Variants in ZNF385C observed in about 807,000 individuals in gnomAD.
ZNF385C encodes the protein CTD-2132N18.2.
A neutral mutation model predicts 35.4 loss-of-function variants in ZNF385C; 28 were observed. That is an observed-to-expected ratio of 0.79 (90% CI 0.59 to 1.08). ZNF385C has a LOEUF of 1.08. Ranked by LOEUF, ZNF385C falls within the 50% of genes least tolerant of loss-of-function variation. The pLI is 0.00. For missense variants in ZNF385C, 605 were observed against 595.6 expected (o/e 1.02, Z -0.16); for synonymous variants, 248 against 248.2 (o/e 1.00, Z 0.01).
At chr17:42,049,086 T>C (rs1386631506) in intron 2 of ZNF385C, among the ~76,000 whole-genome samples, 4 of 152,160 alleles carry the variant, frequency 2.6e-5, no homozygotes, top group Non-Finnish European at 4.4e-5. Context: ...CCTTCCTTCC[T>C]AGTAACACCA....
chr17:42,054,823 C>T (rs1598193772), intron 2 of ZNF385C, among the ~76,000 whole-genome samples: 2 of 152,096 alleles, frequency 1.3e-5, no homozygotes, highest in East Asian at 3.9e-4. Flanking sequence ...CTCAAATGAT[C>T]CACCTGCCTT....
In ZNF385C at chr17:42,053,830, C is replaced by T. The variant is rs1188579231; in HGVS notation, c.250+8977G>A. On this transcript the variant is annotated intron_variant, in intron 2 of 8. Coordinates refer to ENST00000692273, the MANE Select transcript of ZNF385C (RefSeq NM_001392013.1). ...CCCCACTTCCCAGCCCGGGCGTCAT[C>T]AGCACTCACCCAAGAGCATTCTCTG... Among the ~76,000 whole-genome samples the T allele has an allele frequency of 3.3e-5, 5 of 152,236 alleles. No homozygotes were observed. In the East Asian group the frequency reaches 9.7e-4, roughly 30 times the overall value.
At chr17:42,089,885 G>T (rs1218388283) in intron 1 of ZNF385C, among the ~76,000 whole-genome samples, 1 of 152,220 alleles carries the variant, frequency 6.6e-6, no homozygotes, top group Non-Finnish European at 1.5e-5. Flanking sequence ...TCTGATCAAA[G>T]AATTAAGTTG....
intron 3 of ZNF385C, among the ~76,000 whole-genome samples, chr17:42,034,544 C>G (rs2052799075): frequency 6.6e-6 from 1 of 151,994 alleles, no homozygotes; most frequent in African/African-American, 2.4e-5. Context: ...CTTTGGGAGG[C>G]CGAGGCAGGC....
intron 1 of ZNF385C, among the ~76,000 whole-genome samples, chr17:42,090,665 CG>C (rs2053856766): frequency 6.6e-6 from 1 of 151,306 alleles, no homozygotes; most frequent in Admixed American, 6.6e-5. Flanking sequence ...GAAGCAGAGG[CG>C]GGCGGATCAC....
chr17:42,077,304 C>G (rs772668337), intron 1 of ZNF385C, among the ~76,000 whole-genome samples: 1 of 152,076 alleles, frequency 6.6e-6, no homozygotes, highest in African/African-American at 2.4e-5. Flanking sequence ...GATGGTGTGA[C>G]ATCATGCCTG....
chr17:42,072,550 G>C (rs1297089443), intron 1 of ZNF385C, among the ~76,000 whole-genome samples: 4 of 152,010 alleles, frequency 2.6e-5, no homozygotes, highest in Admixed American at 2.0e-4. Context: ...CGAGTCCGGC[G>C]CCCGCGCCTA....
At chr17:42,066,925 C>T (rs556494497) in intron 1 of ZNF385C, among the ~76,000 whole-genome samples, 6 of 152,202 alleles carry the variant, frequency 3.9e-5, no homozygotes, top group African/African-American at 7.2e-5. Context: ...AAAAATTAGC[C>T]AGGCGCGGTG....
intron 2 of ZNF385C, chr17:42,043,423 T>G: frequency 1.6e-6 from 2 of 1,228,082 alleles, no homozygotes; most frequent in Non-Finnish European, 2.0e-6. Flanking sequence ...TGAATGCTCT[T>G]GCCCCCCTGC....
At chr17:42,076,089 C>G (rs1555659239) in intron 1 of ZNF385C, among the ~76,000 whole-genome samples, 1 of 152,190 alleles carries the variant, frequency 6.6e-6, no homozygotes. Flanking sequence ...TCTGCTTAGC[C>G]TATTGAAATC....
chr17:42,058,194 C>T (rs1344176594), intron 2 of ZNF385C, among the ~76,000 whole-genome samples: 1 of 152,112 alleles, frequency 6.6e-6, no homozygotes, highest in East Asian at 1.9e-4. Context: ...GGAGAACCAC[C>T]CCCCAGTCTC....
intron 2 of ZNF385C, chr17:42,040,715 C>T: frequency 4.9e-6 from 6 of 1,232,378 alleles, no homozygotes; most frequent in Non-Finnish European, 4.0e-6. Context: ...GCTGCAAGGT[C>T]CAGTGCTGCC....
chr17:42,080,131 T>C (rs918022272), intron 1 of ZNF385C, among the ~76,000 whole-genome samples: 3 of 152,054 alleles, frequency 2.0e-5, no homozygotes, highest in African/African-American at 7.2e-5. Flanking sequence ...AACAGTGGGG[T>C]GGCCGTCTCT....
intron 1 of ZNF385C, among the ~76,000 whole-genome samples, chr17:42,097,310 G>A (rs782682648): frequency 1.5e-4 from 23 of 152,146 alleles, no homozygotes; most frequent in Non-Finnish European, 2.9e-4. Context: ...AGAGCACATG[G>A]CCTCCCAGAA....
intron 4 of ZNF385C, 26 bp downstream of exon 4, chr17:42,034,199 G>A: frequency 6.5e-7 from 1 of 1,537,528 alleles, no homozygotes; most frequent in South Asian, 1.2e-5. Flanking sequence ...CCCCTCCCCA[G>A]ACCTGCTTTC....
intron 1 of ZNF385C, among the ~76,000 whole-genome samples, chr17:42,094,508 GGAA>G (rs2053897662): frequency 6.6e-6 from 1 of 152,120 alleles, no homozygotes; most frequent in African/African-American, 2.4e-5. Flanking sequence ...CAGAGAAAAA[GGAA>G]GAAGAAAAGA....
intron 1 of ZNF385C, among the ~76,000 whole-genome samples, chr17:42,075,617 C>A (rs2053675874): frequency 1.3e-5 from 2 of 151,836 alleles, no homozygotes; most frequent in Non-Finnish European, 2.9e-5. Context: ...GCCTCAGCCT[C>A]CCCAGTAGCT....
At chr17:42,070,881 C>T (rs1323847249) in intron 1 of ZNF385C, among the ~76,000 whole-genome samples, 2 of 152,216 alleles carry the variant, frequency 1.3e-5, no homozygotes, top group Non-Finnish European at 2.9e-5. Flanking sequence ...CGTCAATGAG[C>T]ATTTTGGCTT....
chr17:42,035,542 CTTTTTT>C (rs67173303), intron 3 of ZNF385C, among the ~76,000 whole-genome samples: 6 of 105,598 alleles, frequency 5.7e-5, no homozygotes, highest in East Asian at 2.7e-4. Flanking sequence ...TGCTGACGAC[CTTTTTT>C]TTTTTTTTTT....
Sources: gnomAD v4.1 joint callset for allele counts (sites outside exome capture counted in the v4.1 genomes callset) on GRCh38, gnomAD v4.1.1 for gene constraint, MANE v1.5 for transcripts, NCBI Gene and HGNC (gene_info 2026-07-23, HGNC 2026-07-21) for gene names.